The following ALS2 variants were observed in gnomAD, a reference collection of about 807,000 sequenced individuals.
ALS2 encodes the protein alsin.
ALS2 carries 117 observed loss-of-function variants against 203.4 expected under a neutral mutation model. The observed-to-expected ratio is 0.58, with a 90% CI of 0.50 to 0.67. The LOEUF (loss-of-function observed/expected upper bound fraction) is 0.67, where lower values mean the gene tolerates loss of function less well. ALS2 is among the 30% of genes least tolerant of loss of function. The probability of loss-of-function intolerance (pLI) is 0.00; values close to 1 mark genes in which losing one functional copy is unlikely to be tolerated. For missense variants in ALS2, 1,715 were observed against 1,989.4 expected, an observed-to-expected ratio of 0.86 and a Z score of 2.62; for synonymous variants, 718 against 725.9, an observed-to-expected ratio of 0.99 and a Z score of 0.17.
At chr2:201,706,786 T>C in intron 29 of ALS2, 60 bp downstream of exon 29, 2 of 1,585,516 alleles carry the variant, frequency 1.3e-6, no homozygotes, top group Admixed American at 3.3e-5. Flanking sequence ...AAATTTCCAA[T>C]AATGCAGTTT....
At chr2:201,702,444 G>A (rs1689449910) in intron 33 of ALS2, among the ~76,000 whole-genome samples, 1 of 152,088 alleles carries the variant, frequency 6.6e-6, no homozygotes, top group Non-Finnish European at 1.5e-5. Context: ...ATCCCCAGGA[G>A]TAGAACCATT....
intron 3 of ALS2, chr2:201,763,219 C>T (rs1312767686): frequency 5.1e-6 from 1 of 196,542 alleles, no homozygotes; most frequent in Admixed American, 6.0e-5. Context: ...ACAAGATCAG[C>T]AAGCACCACG....
At chr2:201,723,978 C>G (rs774189915) in intron 21 of ALS2, among the ~76,000 whole-genome samples, 1 of 151,996 alleles carries the variant, frequency 6.6e-6, no homozygotes, top group African/African-American at 2.4e-5. Flanking sequence ...ATTAACTGGG[C>G]GTGGTGGTGT....
At chr2:201,732,907 T>C (rs1415761406) in intron 13 of ALS2, among the ~76,000 whole-genome samples, 2 of 152,200 alleles carry the variant, frequency 1.3e-5, no homozygotes, top group Non-Finnish European at 2.9e-5. Context: ...GCCTTACAGG[T>C]GTATGCCATT....
chr2:201,739,412 T>G, intron 11 of ALS2, among the ~76,000 whole-genome samples: 1 of 151,810 alleles, frequency 6.6e-6, no homozygotes, highest in Non-Finnish European at 1.5e-5. Flanking sequence ...TTGATGAAAA[T>G]TTTCTGTAAT....
intron 4 of ALS2, chr2:201,759,861 C>G: frequency 4.1e-6 from 4 of 985,246 alleles, no homozygotes; most frequent in Non-Finnish European, 3.6e-6. Flanking sequence ...TGTTTTCTTA[C>G]AGTTTTGGTA....
chr2:201,762,199 A>G (rs1001934570), intron 3 of ALS2, among the ~76,000 whole-genome samples: 10 of 152,252 alleles, frequency 6.6e-5, no homozygotes, highest in African/African-American at 1.9e-4. Flanking sequence ...TAAGCAAAAA[A>G]TAAGACAAAA....
At chr2:201,749,622 C>T (rs1692898350) in intron 8 of ALS2, 90 bp downstream of exon 8, 3 of 1,249,494 alleles carry the variant, frequency 2.4e-6, no homozygotes, top group Non-Finnish European at 3.5e-6. Context: ...GTATGAAATT[C>T]CCCCGATATT....
chr2:201,770,479 A>C (rs1694325620), intron 1 of ALS2, among the ~76,000 whole-genome samples: 1 of 152,138 alleles, frequency 6.6e-6, no homozygotes, highest in Non-Finnish European at 1.5e-5. Flanking sequence ...ATGGAATTAA[A>C]ACTCTACAAA....
intron 12 of ALS2, among the ~76,000 whole-genome samples, chr2:201,738,262 T>C (rs1461248436): frequency 6.6e-6 from 1 of 152,240 alleles, no homozygotes; most frequent in Non-Finnish European, 1.5e-5. Flanking sequence ...TTTAAATTAT[T>C]TACCCAGAAG....
chr2:201,746,442 G>C (rs1692655362), intron 9 of ALS2, 124 bp downstream of exon 9: 1 of 1,140,710 alleles, frequency 8.8e-7, no homozygotes. Context: ...AAAGGAGTTT[G>C]CAATTTTAAA....
intron 25 of ALS2, among the ~76,000 whole-genome samples, chr2:201,713,143 T>C (rs146393480): frequency 3.4e-5 from 4 of 118,000 alleles, no homozygotes; most frequent in African/African-American, 1.2e-4. Flanking sequence ...CTTTTTTTTT[T>C]TTTTTTTTTT....
intron 25 of ALS2, among the ~76,000 whole-genome samples, chr2:201,714,026 A>C (rs1160032431): frequency 1.3e-5 from 2 of 152,240 alleles, no homozygotes; most frequent in Non-Finnish European, 2.9e-5. Flanking sequence ...TCACGCCTGC[A>C]ATCCCAGCAC....
Position 201,704,166 on chromosome 2 carries a change from A to AG in ALS2, c.4890dup (p.Tyr1631LeufsTer24). On this transcript the variant is annotated frameshift_variant, in exon 33 of 34. Coordinates refer to ENST00000264276, the MANE Select transcript of ALS2 (RefSeq NM_020919.4). LOFTEE classifies it high-confidence loss of function. ...ATACCCTGTTCCCCATGCTGAAGAT[A>AG]GGGGTCCATTAGATCCTCAATGAGG... 6.2e-7 allele frequency: 1 copy of AG among 1,614,116 alleles called. No homozygotes were observed. Among genetic ancestry groups the AG allele is most frequent in the Non-Finnish European group, 8.5e-7 (1 of 1,179,958 alleles).
intron 7 of ALS2, among the ~76,000 whole-genome samples, chr2:201,750,898 G>A (rs1377228342): frequency 3.4e-5 from 5 of 146,752 alleles, no homozygotes; most frequent in Non-Finnish European, 7.4e-5. Flanking sequence ...TTGTCACCCA[G>A]GCTGGAGCAC....
At chr2:201,776,008 C>T (rs1694642595) in intron 1 of ALS2, among the ~76,000 whole-genome samples, 1 of 152,170 alleles carries the variant, frequency 6.6e-6, no homozygotes, top group Non-Finnish European at 1.5e-5. Flanking sequence ...GATACAGCCC[C>T]TGATTTTCAG....
intron 16 of ALS2, 138 bp from the exon 17 acceptor site, chr2:201,727,416 C>G: frequency 6.0e-6 from 5 of 835,954 alleles, no homozygotes; most frequent in Non-Finnish European, 1.0e-5. Flanking sequence ...TGGTTTTGGG[C>G]GCCACCACGG....
rs79985232 is a variant in ALS2 at position 201,722,936 on chromosome 2, C to A, written c.3702+107G>T. Reference sequence around the variant, plus strand: ...TGACCAAAAATCACTGAAACGTGCACTTGAAAGGGGTGAATTTTATGGCAT... The same window carrying A: ...TGACCAAAAATCACTGAAACGTGCAATTGAAAGGGGTGAATTTTATGGCAT... On this transcript the variant is annotated intron_variant, in intron 23 of 33. Transcript: ENST00000264276. 15,272 of 897,646 alleles carry A rather than the reference C, an allele frequency of 0.017. 178 individuals are homozygous for A. Among genetic ancestry groups the A allele is most frequent in the Middle Eastern group, 0.04 (119 of 2,986 alleles). The allele number at this position is 897,646 out of a possible 1,614,324, so 55.6% of individuals were successfully genotyped here. A position where few individuals can be genotyped will look rare whatever the true frequency, so the allele number is the denominator to read the frequency against.
intron 29 of ALS2, among the ~76,000 whole-genome samples, chr2:201,706,525 A>G (rs1440330438): frequency 9.4e-6 from 1 of 106,234 alleles, no homozygotes; most frequent in Non-Finnish European, 1.9e-5. Context: ...CAGGCAAAAT[A>G]GCTCACACTT....
Sources: allele counts gnomAD v4.1 joint callset (sites outside exome capture counted in the v4.1 genomes callset), GRCh38; gene constraint gnomAD v4.1.1; transcripts MANE v1.5; gene names NCBI Gene and HGNC (gene_info 2026-07-23, HGNC 2026-07-21).